Variants in LRRC4C observed in about 807,000 individuals in gnomAD.
The protein encoded by LRRC4C is leucine-rich repeat-containing protein 4C.
A neutral mutation model predicts 33.6 loss-of-function variants in LRRC4C; 5 were observed. The ratio of observed to expected loss-of-function variants is 0.15; its 90% confidence interval spans 0.08 to 0.31. The LOEUF (loss-of-function observed/expected upper bound fraction) is 0.31, where lower values mean the gene tolerates loss of function less well. Ranked by LOEUF, LRRC4C falls within the 10% of genes least tolerant of loss-of-function variation. LRRC4C has a pLI of 1.00. For missense variants in LRRC4C, 560 were observed against 796.7 expected, an observed-to-expected ratio of 0.70 and a Z score of 3.58; for synonymous variants, 329 against 302.0, an observed-to-expected ratio of 1.09 and a Z score of -0.93.
intron 1 of LRRC4C, among the ~76,000 whole-genome samples, chr11:41,034,771 C>T (rs1399724447): frequency 6.7e-6 from 1 of 149,158 alleles, no homozygotes; most frequent in Admixed American, 6.7e-5. Flanking sequence ...AAGTATGCCA[C>T]ATCATAGTTT....
intron 3 of LRRC4C, among the ~76,000 whole-genome samples, chr11:40,402,146 T>A (rs1408233376): frequency 1.3e-5 from 2 of 152,118 alleles, no homozygotes; most frequent in African/African-American, 4.8e-5. Flanking sequence ...AAGACATGTC[T>A]AAAAGAAAGC....
At chr11:40,301,001 A>C (rs1206884338) in intron 4 of LRRC4C, among the ~76,000 whole-genome samples, 1 of 152,178 alleles carries the variant, frequency 6.6e-6, no homozygotes, top group Non-Finnish European at 1.5e-5. Context: ...TTGAATCCAC[A>C]GATGGGAAAC....
intron 3 of LRRC4C, among the ~76,000 whole-genome samples, chr11:40,394,456 C>T (rs1949459308): frequency 6.6e-6 from 1 of 152,122 alleles, no homozygotes; most frequent in Non-Finnish European, 1.5e-5. Context: ...TTGAGAGTGA[C>T]TTGTTCGCTT....
intron 2 of LRRC4C, among the ~76,000 whole-genome samples, chr11:40,727,066 G>A (rs956820639): frequency 1.3e-5 from 2 of 152,092 alleles, no homozygotes; most frequent in African/African-American, 4.8e-5. Flanking sequence ...TCTCTACAAG[G>A]AGAACTAGAA....
At chr11:41,399,722 G>T (rs1953955291) in intron 1 of LRRC4C, among the ~76,000 whole-genome samples, 1 of 151,832 alleles carries the variant, frequency 6.6e-6, no homozygotes, top group South Asian at 2.1e-4. Flanking sequence ...AAATCCAATG[G>T]TATCTGCCAA....
intron 1 of LRRC4C, among the ~76,000 whole-genome samples, chr11:41,167,812 T>C (rs775878013): frequency 4.6e-5 from 7 of 152,164 alleles, no homozygotes; most frequent in Non-Finnish European, 1.0e-4. Flanking sequence ...ATTTGCATAA[T>C]GAATAGTAAA....
intron 2 of LRRC4C, among the ~76,000 whole-genome samples, chr11:40,755,189 C>G (rs1197566220): frequency 6.6e-6 from 1 of 152,050 alleles, no homozygotes; most frequent in Admixed American, 6.6e-5. Context: ...CTCGAAGTAC[C>G]ACTACAACAA....
intron 3 of LRRC4C, among the ~76,000 whole-genome samples, chr11:40,634,335 C>T (rs1459090353): frequency 6.6e-6 from 1 of 152,010 alleles, no homozygotes; most frequent in Non-Finnish European, 1.5e-5. Flanking sequence ...TATATATATA[C>T]ACATATATGT....
At chr11:40,676,086 A>C (rs1398884682) in intron 2 of LRRC4C, among the ~76,000 whole-genome samples, 6 of 152,198 alleles carry the variant, frequency 3.9e-5, no homozygotes, top group Admixed American at 1.3e-4. Context: ...AAAGAACAAC[A>C]TATATCTTAT....
At chr11:40,572,138 A>G (rs79181763) in intron 3 of LRRC4C, among the ~76,000 whole-genome samples, 1,637 of 152,342 alleles carry the variant, frequency 0.011, 24 homozygotes, top group African/African-American at 0.026. Flanking sequence ...AGGAACAAAC[A>G]GTCATTTTGT....
chr11:40,784,479 T>C (rs1214859976), intron 2 of LRRC4C, among the ~76,000 whole-genome samples: 1 of 152,198 alleles, frequency 6.6e-6, no homozygotes, highest in African/African-American at 2.4e-5. Context: ...TAAAATCTAT[T>C]AGATCTCATT....
At chr11:40,547,259 G>T (rs1397588642) in intron 3 of LRRC4C, among the ~76,000 whole-genome samples, 1 of 152,194 alleles carries the variant, frequency 6.6e-6, no homozygotes, top group South Asian at 2.1e-4. Flanking sequence ...GGGAAGAGCT[G>T]AAGAAAAGAA....
intron 1 of LRRC4C, among the ~76,000 whole-genome samples, chr11:41,270,186 A>G (rs1308285457): frequency 2.0e-5 from 3 of 152,224 alleles, no homozygotes; most frequent in African/African-American, 4.8e-5. Flanking sequence ...GGGAAATATC[A>G]AGAGAAAAAA....
intron 4 of LRRC4C, among the ~76,000 whole-genome samples, chr11:40,264,675 C>G (rs909830580): frequency 2.0e-5 from 3 of 152,166 alleles, no homozygotes; most frequent in Non-Finnish European, 4.4e-5. Flanking sequence ...TATCTTCTCT[C>G]AGTACTTACC....
intron 3 of LRRC4C, among the ~76,000 whole-genome samples, chr11:40,569,257 C>A (rs1957881778): frequency 6.6e-6 from 1 of 152,014 alleles, no homozygotes; most frequent in Non-Finnish European, 1.5e-5. Context: ...AATGGACAGC[C>A]TGAATTTAGA....
chr11:40,785,136 T>G (rs1162180473), intron 2 of LRRC4C, among the ~76,000 whole-genome samples: 1 of 152,176 alleles, frequency 6.6e-6, no homozygotes, highest in African/African-American at 2.4e-5. Flanking sequence ...TATGTTGTTA[T>G]GCTAATTAAC....
chr11:40,304,710 T>C (rs1340923573), intron 4 of LRRC4C, among the ~76,000 whole-genome samples: 1 of 151,962 alleles, frequency 6.6e-6, no homozygotes, highest in African/African-American at 2.4e-5. Flanking sequence ...GGCTTCAAAT[T>C]CTCAACTTCT....
chr11:40,770,019 T>A (rs1279453114), intron 2 of LRRC4C, among the ~76,000 whole-genome samples: 1 of 151,844 alleles, frequency 6.6e-6, no homozygotes, highest in African/African-American at 2.4e-5. Flanking sequence ...TCATATCAAG[T>A]TAAAAAAAAT....
chr11:41,195,521 T>C (rs1459978657), intron 1 of LRRC4C, among the ~76,000 whole-genome samples: 1 of 152,042 alleles, frequency 6.6e-6, no homozygotes, highest in Admixed American at 6.6e-5. Flanking sequence ...CCTTTAACTT[T>C]AGTAAGCTTC....
Sources: allele counts gnomAD v4.1 joint callset (sites outside exome capture counted in the v4.1 genomes callset), GRCh38; gene constraint gnomAD v4.1.1; transcripts MANE v1.5; gene names NCBI Gene and HGNC (gene_info 2026-07-23, HGNC 2026-07-21).